The following GPD2 variants were observed in gnomAD, a reference collection of about 807,000 sequenced individuals.
The protein encoded by GPD2 is glycerol-3-phosphate dehydrogenase 2.
In GPD2, 54 loss-of-function variants were observed where a neutral mutation model predicts 82.4. The observed-to-expected ratio is 0.66, with a 90% CI of 0.53 to 0.82. The LOEUF (loss-of-function observed/expected upper bound fraction) is 0.82. Among genes scored for constraint, GPD2 ranks in the 40% least tolerant of loss-of-function variants. GPD2 has a pLI of 0.00. For synonymous variants in GPD2, 288 were observed against 306.1 expected (o/e 0.94, Z 0.62); for missense variants, 748 against 896.2 (o/e 0.83, Z 2.11).
intron 4 of GPD2, 57 bp downstream of exon 4, chr2:156,510,977 A>G (rs907865312): frequency 1.2e-4 from 177 of 1,523,420 alleles, no homozygotes; most frequent in Admixed American, 8.9e-4. Context: ...TTTCTACCCA[A>G]TTAAATCAGG....
the GPD2 span, among the ~76,000 whole-genome samples, chr2:156,406,737 A>C: frequency 3.3e-5 from 5 of 152,224 alleles, no homozygotes; most frequent in Admixed American, 6.5e-5. Flanking sequence ...TCTCTGGGTG[A>C]AGCATTTATT....
chr2:156,535,440 GA>G (rs1164202824), intron 6 of GPD2, among the ~76,000 whole-genome samples: 18 of 147,068 alleles, frequency 1.2e-4, no homozygotes, highest in Non-Finnish European at 2.0e-4. Context: ...GGGGTGGGGA[GA>G]GAGAGAGAGA....
At chr2:156,548,060 A>G (rs1223207459) in intron 6 of GPD2, among the ~76,000 whole-genome samples, 2 of 152,240 alleles carry the variant, frequency 1.3e-5, no homozygotes, top group Non-Finnish European at 2.9e-5. Flanking sequence ...TGTTAGATAT[A>G]TAAATCAACC....
chr2:156,497,070 ATGTT>A (rs759451129), intron 3 of GPD2, among the ~76,000 whole-genome samples: 15 of 152,218 alleles, frequency 9.9e-5, no homozygotes, highest in Non-Finnish European at 1.9e-4. Flanking sequence ...ATAAAATACT[ATGTT>A]TGTTTTGGCT....
At chr2:156,456,595 CAA>C (rs760885784) in intron 1 of GPD2, among the ~76,000 whole-genome samples, 1 of 136,322 alleles carries the variant, frequency 7.3e-6, no homozygotes, top group Non-Finnish European at 1.6e-5. Context: ...GACTCTGTCT[CAA>C]AAAAAAAAAA....
Position 156,510,810 on chromosome 2 carries a change from C to G in GPD2, c.289C>G (p.Leu97Val). The change falls in exon 4 of 17, where the codon CTT becomes GTT. Residue 97 changes from leucine (L) to valine (V), a missense_variant. Physicochemically the swap from Leu to Val is conservative, Grantham distance 32 (BLOSUM62 1). This residue lies in a region of GPD2 where 692 missense variants were observed against 809.7 expected (regional missense o/e 0.85). Transcript: ENST00000438166. Reference protein sequence around the residue: ...DAVTRGLKTALVERDDFSSGT... With the variant: ...DAVTRGLKTAVVERDDFSSGT... The stretch of plus-strand genomic sequence containing the variant: ...TGGTTACACAGGACTAAAAACAGCC[C>G]TTGTAGAAAGAGATGATTTCTCATC... 1 of 1,613,216 alleles carries G rather than the reference C, an allele frequency of 6.2e-7. No homozygotes were observed. The highest frequency in any genetic ancestry group is 1.1e-5 in the South Asian group (1 of 91,054).
At chr2:156,558,995 ATGTC>A (rs1243972362) in intron 9 of GPD2, among the ~76,000 whole-genome samples, 1 of 151,588 alleles carries the variant, frequency 6.6e-6, no homozygotes, top group African/African-American at 2.4e-5. Context: ...TGGTCTAATC[ATGTC>A]TTATTAGGGT....
chr2:156,407,412 T>C, the GPD2 span, among the ~76,000 whole-genome samples: 1 of 152,336 alleles, frequency 6.6e-6, no homozygotes, highest in Non-Finnish European at 1.5e-5. Flanking sequence ...AATATATATC[T>C]TGGAAAATTA....
chr2:156,472,440 G>A (rs1573903549), intron 1 of GPD2, among the ~76,000 whole-genome samples: 1 of 152,020 alleles, frequency 6.6e-6, no homozygotes, highest in South Asian at 2.1e-4. Context: ...CTTGCCTCAG[G>A]CTCCCGAGTA....
At chr2:156,560,839 GCTA>G (rs1370189265) in intron 9 of GPD2, among the ~76,000 whole-genome samples, 1 of 152,002 alleles carries the variant, frequency 6.6e-6, no homozygotes, top group Non-Finnish European at 1.5e-5. Flanking sequence ...TCAATTACAT[GCTA>G]CTGTTAAACA....
At chr2:156,561,978 T>G (rs1017830101) in intron 9 of GPD2, among the ~76,000 whole-genome samples, 1 of 152,228 alleles carries the variant, frequency 6.6e-6, no homozygotes, top group Non-Finnish European at 1.5e-5. Flanking sequence ...ATTACTTGTT[T>G]GTTCTTTTCT....
intron 9 of GPD2, among the ~76,000 whole-genome samples, chr2:156,562,138 CAGA>C (rs1377192356): frequency 1.3e-5 from 2 of 152,192 alleles, no homozygotes; most frequent in African/African-American, 4.8e-5. Flanking sequence ...TTGAGAGAGA[CAGA>C]AGATTTGCTG....
At chr2:156,525,723 T>A (rs532900954) in intron 6 of GPD2, among the ~76,000 whole-genome samples, 21 of 152,340 alleles carry the variant, frequency 1.4e-4, no homozygotes, top group African/African-American at 5.0e-4. Context: ...TTATTTCCTA[T>A]AAGTGTGGTT....
intron 1 of GPD2, among the ~76,000 whole-genome samples, chr2:156,463,695 G>C (rs1226004614): frequency 6.6e-6 from 1 of 152,050 alleles, no homozygotes; most frequent in Non-Finnish European, 1.5e-5. Context: ...AATACCCCCT[G>C]ATGATTTTCT....
intron 6 of GPD2, among the ~76,000 whole-genome samples, chr2:156,514,129 CTTTTT>C (rs5835618): frequency 7.1e-6 from 1 of 141,716 alleles, no homozygotes. Flanking sequence ...AATGTTCATT[CTTTTT>C]TTTTTTTTTT....
At position 156,510,935 on chromosome 2, in the gene GPD2, T is replaced by C. The variant is rs1684973885; in HGVS notation, c.399+15T>C. 6.2e-7 allele frequency: 1 copy of C among 1,612,786 alleles called. No homozygotes were observed. Among genetic ancestry groups the C allele is most frequent in the Admixed American group, 1.7e-5 (1 of 59,992 alleles). ...ATATTGAGCAGGTAATTGTGTATGCTGGTTGTTAAACAAAAATTGCAACTG... is the reference window on the plus strand; with the variant it reads ...ATATTGAGCAGGTAATTGTGTATGCCGGTTGTTAAACAAAAATTGCAACTG... On this transcript the variant is annotated intron_variant, in intron 4 of 16. Coordinates refer to ENST00000438166, the MANE Select transcript of GPD2 (RefSeq NM_000408.5).
At chr2:156,469,260 C>A (rs1374439119) in intron 1 of GPD2, among the ~76,000 whole-genome samples, 3 of 152,122 alleles carry the variant, frequency 2.0e-5, no homozygotes, top group African/African-American at 7.2e-5. Context: ...CCCAGGTTCA[C>A]GTGATTTTCC....
intron 9 of GPD2, 56 bp from the exon 10 acceptor site, chr2:156,568,769 T>A: frequency 6.6e-7 from 1 of 1,511,112 alleles, no homozygotes; most frequent in Non-Finnish European, 9.2e-7. Context: ...TGTTTAATAT[T>A]TTTATCAAAA....
At chr2:156,498,034 T>A (rs1403903712) in intron 3 of GPD2, among the ~76,000 whole-genome samples, 1 of 152,158 alleles carries the variant, frequency 6.6e-6, no homozygotes, top group Non-Finnish European at 1.5e-5. Context: ...CTCCAAGAAA[T>A]TAGAATTTAC....
Sources: allele counts gnomAD v4.1 joint callset (sites outside exome capture counted in the v4.1 genomes callset), GRCh38; gene constraint gnomAD v4.1.1; regional missense constraint gnomAD v4.1.1; transcripts MANE v1.5; gene names NCBI Gene and HGNC (gene_info 2026-07-23, HGNC 2026-07-21).